CPNE8: variants seen among roughly 807,000 people sequenced by gnomAD.
CPNE8 encodes copine 8.
In CPNE8, 45 loss-of-function variants were observed where a neutral mutation model predicts 81.5. That is an observed-to-expected ratio of 0.55 (90% CI 0.44 to 0.71). The LOEUF is 0.71. Ranked by LOEUF, CPNE8 falls within the 30% of genes least tolerant of loss-of-function variation. The pLI is 0.00. For synonymous variants in CPNE8, 252 were observed against 226.3 expected (o/e 1.11, Z -1.02); for missense variants, 594 against 672.1 (o/e 0.88, Z 1.28).
At chr12:38,897,597 A>G (rs1025784718) in intron 1 of CPNE8, among the ~76,000 whole-genome samples, 1 of 150,776 alleles carries the variant, frequency 6.6e-6, no homozygotes, top group African/African-American at 2.4e-5. Context: ...AAAATATTGT[A>G]TAGAATATAT....
chr12:38,733,983 C>T (rs1940896035), intron 10 of CPNE8, among the ~76,000 whole-genome samples: 1 of 150,724 alleles, frequency 6.6e-6, no homozygotes, highest in Admixed American at 6.7e-5. Context: ...TACAGCTCAG[C>T]TATGATATCC....
chr12:38,905,504 T>C lies in CPNE8; in HGVS notation c.31A>G (p.Ile11Val), dbSNP rs982607069. The change falls in exon 1 of 20, where the codon ATC becomes GTC. Residue 11 changes from isoleucine (I) to valine (V), a missense_variant. Physicochemically the swap from Ile to Val is conservative, Grantham distance 29. Coordinates refer to ENST00000331366, the MANE Select transcript of CPNE8 (RefSeq NM_153634.3). MDSRYNSTAG[I>V]GDLNQLSAAI... is the part of the protein sequence containing the mutation. ...GCGCTCAGCTGGTTCAAGTCCCCGA[T>C]GCCCGCAGTGCTGTTGTAGCGGCTG... 1.2e-5 allele frequency: 19 copies of C among 1,572,228 alleles called. No homozygotes were observed. The highest frequency in any genetic ancestry group is 2.3e-5 in the East Asian group (1 of 43,112).
intron 6 of CPNE8, among the ~76,000 whole-genome samples, chr12:38,801,845 A>G (rs1942680085): frequency 1.0e-5 from 1 of 100,410 alleles, no homozygotes; most frequent in Non-Finnish European, 2.0e-5. Context: ...AAAAAAAGGC[A>G]GGGGTTGCAA....
At chr12:38,864,841 T>C (rs557309317) in intron 3 of CPNE8, among the ~76,000 whole-genome samples, 1 of 152,206 alleles carries the variant, frequency 6.6e-6, no homozygotes, top group Non-Finnish European at 1.5e-5. Flanking sequence ...GTTATGATTA[T>C]AAAGGATCAT....
Position 38,783,949 on chromosome 12 carries a change from T to C in CPNE8, c.408-7648A>G, listed in dbSNP as rs892025177. ...CTAAAATAAATACCTAACTCTTCAA[T>C]GCTTCAATGTTCAATGAACATCTAC... On this transcript the variant is annotated intron_variant, in intron 6 of 19. Transcript: ENST00000331366. 2.0e-5 allele frequency among the ~76,000 whole-genome samples: 3 copies of C among 152,182 alleles called. No individual in the cohort carries two copies. In the East Asian group the frequency reaches 5.8e-4, roughly 29 times the overall value.
intron 8 of CPNE8, among the ~76,000 whole-genome samples, chr12:38,764,636 A>G (rs898539012): frequency 2.1e-4 from 32 of 151,202 alleles, no homozygotes; most frequent in Middle Eastern, 3.4e-3. Context: ...AAAAAAAAAA[A>G]AAAGAAAAAG....
intron 13 of CPNE8, among the ~76,000 whole-genome samples, chr12:38,703,185 A>C (rs1939993521): frequency 6.6e-6 from 1 of 152,184 alleles, no homozygotes; most frequent in African/African-American, 2.4e-5. Context: ...CCTATTTTGG[A>C]GTAATTAAGT....
chr12:38,799,670 G>T (rs755776869), intron 6 of CPNE8, among the ~76,000 whole-genome samples: 2 of 151,982 alleles, frequency 1.3e-5, no homozygotes, highest in South Asian at 4.2e-4. Context: ...TGGCCGAATA[G>T]GAACAGCTCC....
intron 16 of CPNE8, among the ~76,000 whole-genome samples, chr12:38,682,609 G>A (rs941478072): frequency 6.6e-6 from 1 of 152,170 alleles, no homozygotes; most frequent in Non-Finnish European, 1.5e-5. Flanking sequence ...AGATATCTCA[G>A]TATATCCAAA....
intron 8 of CPNE8, among the ~76,000 whole-genome samples, chr12:38,765,111 A>C (rs1941660655): frequency 1.3e-5 from 2 of 152,198 alleles, no homozygotes; most frequent in Admixed American, 1.3e-4. Flanking sequence ...GCAGGCAGTC[A>C]TTTATTGCCT....
At chr12:38,882,863 T>C (rs781525686) in intron 1 of CPNE8, among the ~76,000 whole-genome samples, 4 of 152,142 alleles carry the variant, frequency 2.6e-5, no homozygotes, top group Admixed American at 6.5e-5. Flanking sequence ...CACACTTCTC[T>C]ACACTTAGAC....
chr12:38,897,690 T>C (rs550181797), intron 1 of CPNE8, among the ~76,000 whole-genome samples: 1 of 151,314 alleles, frequency 6.6e-6, no homozygotes, highest in South Asian at 2.1e-4. Flanking sequence ...TATATATTAA[T>C]ATACACAGAG....
intron 6 of CPNE8, among the ~76,000 whole-genome samples, chr12:38,808,389 T>A (rs552422872): frequency 1.7e-3 from 251 of 151,672 alleles, no homozygotes; most frequent in African/African-American, 5.7e-3. Context: ...ATTAAGAAAA[T>A]GTGGCACATA....
intron 6 of CPNE8, among the ~76,000 whole-genome samples, chr12:38,810,031 T>A (rs1256783544): frequency 1.3e-5 from 2 of 152,216 alleles, no homozygotes; most frequent in East Asian, 3.8e-4. Flanking sequence ...TGAGTCATTC[T>A]TCCTTTTTTG....
chr12:38,799,915 G>C (rs558379505), intron 6 of CPNE8, among the ~76,000 whole-genome samples: 1 of 151,654 alleles, frequency 6.6e-6, no homozygotes, highest in South Asian at 2.1e-4. Flanking sequence ...TGGAAAATCG[G>C]GTCACTCCCA....
intron 1 of CPNE8, among the ~76,000 whole-genome samples, chr12:38,887,424 C>A (rs17126743): frequency 6.6e-6 from 1 of 152,010 alleles, no homozygotes; most frequent in Non-Finnish European, 1.5e-5. Flanking sequence ...CCTTATATGC[C>A]TCTAAATAAA....
chr12:38,902,381 A>AGAGAGAGAG (rs60567703), intron 1 of CPNE8, among the ~76,000 whole-genome samples: 1 of 57,782 alleles, frequency 1.7e-5, no homozygotes, highest in African/African-American at 9.1e-5. Context: ...AGAAAGAAAG[A>AGAGAGAGAG]AAAGAAAGAA....
intron 6 of CPNE8, among the ~76,000 whole-genome samples, chr12:38,785,708 T>C (rs745579714): frequency 2.0e-5 from 3 of 152,246 alleles, no homozygotes; most frequent in East Asian, 1.9e-4. Context: ...ATTAGCACCA[T>C]GAGACATACA....
chr12:38,803,692 C>A (rs1444611633), intron 6 of CPNE8, among the ~76,000 whole-genome samples: 2 of 150,170 alleles, frequency 1.3e-5, no homozygotes. Context: ...AAAGGGTATT[C>A]AATTAGGAAA....
Sources: gnomAD v4.1 joint callset for allele counts (sites outside exome capture counted in the v4.1 genomes callset) on GRCh38, gnomAD v4.1.1 for gene constraint, MANE v1.5 for transcripts, NCBI Gene and HGNC (gene_info 2026-07-23, HGNC 2026-07-21) for gene names.